AGPS: variants seen among roughly 807,000 people sequenced by gnomAD.
AGPS encodes the protein alkyldihydroxyacetonephosphate synthase, peroxisomal.
AGPS carries 26 observed loss-of-function variants against 90.7 expected under a neutral mutation model. That is an observed-to-expected ratio of 0.29 (90% confidence interval 0.21 to 0.40). The LOEUF is 0.40. AGPS is among the 10% of genes least tolerant of loss of function. The probability of loss-of-function intolerance (pLI) is 1.00; values close to 1 mark genes in which losing one functional copy is unlikely to be tolerated. For missense variants in AGPS, 540 were observed against 816.1 expected (o/e 0.66, Z 4.12); for synonymous variants, 294 against 285.3 (o/e 1.03, Z -0.31).
chr2:177,433,172 A>G (rs1363273072), intron 2 of AGPS, among the ~76,000 whole-genome samples: 2 of 152,230 alleles, frequency 1.3e-5, no homozygotes, highest in African/African-American at 4.8e-5. Context: ...ATAAATATAT[A>G]AAGATTTCTT....
At chr2:177,404,194 T>C (rs1364949890) in intron 1 of AGPS, among the ~76,000 whole-genome samples, 3 of 152,172 alleles carry the variant, frequency 2.0e-5, no homozygotes, top group Non-Finnish European at 4.4e-5. Context: ...AATTAGATGT[T>C]CTAGCCTGAG....
At chr2:177,479,881 CA>C (rs1431472474) in intron 10 of AGPS, among the ~76,000 whole-genome samples, 1 of 152,142 alleles carries the variant, frequency 6.6e-6, no homozygotes, top group African/African-American at 2.4e-5. Context: ...GAATATAACG[CA>C]AAACATTGTA....
intron 12 of AGPS, among the ~76,000 whole-genome samples, chr2:177,494,011 CAT>C (rs1415513654): frequency 1.3e-5 from 2 of 152,130 alleles, no homozygotes; most frequent in African/African-American, 2.4e-5. Context: ...GATTAAATAA[CAT>C]AGAAGAATGG....
intron 1 of AGPS, among the ~76,000 whole-genome samples, chr2:177,400,096 T>C (rs1685292384): frequency 6.6e-6 from 1 of 152,212 alleles, no homozygotes; most frequent in South Asian, 2.1e-4. Flanking sequence ...TATTACTGCA[T>C]AGGAAGAGGT....
In AGPS at chr2:177,497,776, TTATAAAATGC is replaced by T; in HGVS notation, c.1362+14_1362+23del. 1 of 1,382,070 alleles carries T rather than the reference TTATAAAATGC, an allele frequency of 7.2e-7. No homozygotes were observed. Among genetic ancestry groups the T allele is most frequent in the South Asian group, 1.2e-5 (1 of 82,404 alleles). The allele number at this position is 1,382,070 out of a possible 1,614,324, so 85.6% of individuals were successfully genotyped here. A position where few individuals can be genotyped will look rare whatever the true frequency, so the allele number is the denominator to read the frequency against. On this transcript the variant is annotated intron_variant, in intron 13 of 19. Coordinates refer to ENST00000264167, the MANE Select transcript of AGPS (RefSeq NM_003659.4). ...TTTTATATTACAAAGGTAAGAATTT[TTATAAAATGC>T]TAAAATTGTAAATGCTTAAGATATC...
At chr2:177,501,912 C>A (rs756266628) in intron 14 of AGPS, among the ~76,000 whole-genome samples, 11 of 152,150 alleles carry the variant, frequency 7.2e-5, no homozygotes, top group Non-Finnish European at 1.5e-4. Flanking sequence ...GTGGTCCACC[C>A]GCCTTGGCCT....
At chr2:177,436,618 A>G (rs1686418568) in intron 3 of AGPS, 146 bp from the exon 4 acceptor site, 8 of 715,676 alleles carry the variant, frequency 1.1e-5, no homozygotes, top group South Asian at 5.3e-5. Flanking sequence ...GCTGATTTCT[A>G]TATATGTTGT....
intron 7 of AGPS, among the ~76,000 whole-genome samples, chr2:177,444,087 C>T (rs1020654375): frequency 1.3e-5 from 2 of 151,906 alleles, no homozygotes; most frequent in Non-Finnish European, 2.9e-5. Context: ...GTTTAGCTGC[C>T]AAAGGACCAA....
At chr2:177,434,225 G>T in intron 2 of AGPS, 102 bp from the exon 3 acceptor site, 1 of 783,160 alleles carries the variant, frequency 1.3e-6, no homozygotes, top group Non-Finnish European at 2.1e-6. Flanking sequence ...TGAAAGTGTT[G>T]GTTTGATAGT....
In AGPS at chr2:177,420,284, A is replaced by G; in HGVS notation, c.276A>G (p.Lys92=). ...TIPKKRQEVM[K]WNGWGYNDSK... ...TTCTCACTAGGCAAGAAGTTATGAA[A>G]TGGAATGGATGGGGATATAATGATT... is the stretch of plus-strand genomic sequence containing the variant. The change falls in exon 2 of 20, where the codon AAA becomes AAG. Residue 92 remains lysine, a synonymous_variant. Coordinates refer to ENST00000264167, the MANE Select transcript of AGPS (RefSeq NM_003659.4). 1.2e-6 allele frequency: 2 copies of G among 1,608,412 alleles called. No individual in the cohort carries two copies. Among genetic ancestry groups the G allele is most frequent in the South Asian group, 1.1e-5 (1 of 90,940 alleles).
intron 8 of AGPS, among the ~76,000 whole-genome samples, chr2:177,448,022 G>A (rs140927085): frequency 4.1e-4 from 63 of 152,066 alleles, no homozygotes; most frequent in African/African-American, 1.5e-3. Context: ...TTTTTCCTAC[G>A]TTTATTAAAT....
chr2:177,527,097 A>G (rs1293926241), intron 19 of AGPS, among the ~76,000 whole-genome samples: 2 of 152,226 alleles, frequency 1.3e-5, no homozygotes, highest in Non-Finnish European at 2.9e-5. Flanking sequence ...ATTGAAAATG[A>G]CAGGCTTTGA....
intron 8 of AGPS, among the ~76,000 whole-genome samples, chr2:177,448,375 T>G (rs1411576915): frequency 6.6e-6 from 1 of 152,208 alleles, no homozygotes; most frequent in Non-Finnish European, 1.5e-5. Flanking sequence ...CTAACAGACT[T>G]TAAATATTCT....
At chr2:177,463,818 G>T (rs925799842) in intron 9 of AGPS, among the ~76,000 whole-genome samples, 2 of 152,108 alleles carry the variant, frequency 1.3e-5, no homozygotes, top group African/African-American at 4.8e-5. Context: ...ATTTAGCACT[G>T]TGAAATCATG....
chr2:177,531,845 T>G (rs995703223), intron 19 of AGPS, among the ~76,000 whole-genome samples: 2 of 151,304 alleles, frequency 1.3e-5, no homozygotes, highest in Non-Finnish European at 1.5e-5. Flanking sequence ...CACACAAATA[T>G]GCCAAGCTGA....
At chr2:177,407,809 T>TA (rs1225662020) in intron 1 of AGPS, among the ~76,000 whole-genome samples, 22 of 89,960 alleles carry the variant, frequency 2.4e-4, no homozygotes, top group Middle Eastern at 0.014. Context: ...TTTTTTTTTT[T>TA]AAAAAAAAGA....
chr2:177,489,118 T>G (rs1193071147), intron 11 of AGPS, among the ~76,000 whole-genome samples: 1 of 147,698 alleles, frequency 6.8e-6, no homozygotes, highest in Non-Finnish European at 1.5e-5. Flanking sequence ...GGAGTCTCGC[T>G]CTATTGCCCA....
chr2:177,419,075 GTTTC>G (rs1360087689), intron 1 of AGPS, among the ~76,000 whole-genome samples: 13 of 151,814 alleles, frequency 8.6e-5, no homozygotes, highest in Admixed American at 7.9e-4. Context: ...AGCATTCCTA[GTTTC>G]TTTGTCTTAA....
chr2:177,432,603 CTT>C (rs1034208761), intron 2 of AGPS, among the ~76,000 whole-genome samples: 4 of 152,302 alleles, frequency 2.6e-5, no homozygotes, highest in Admixed American at 2.6e-4. Context: ...GATATAAAGA[CTT>C]TATTTTAGTG....
Sources: allele counts gnomAD v4.1 joint callset (sites outside exome capture counted in the v4.1 genomes callset), GRCh38; gene constraint gnomAD v4.1.1; transcripts MANE v1.5; gene names NCBI Gene and HGNC (gene_info 2026-07-23, HGNC 2026-07-21).